The following CEP85L variants were observed in gnomAD, a reference collection of about 807,000 sequenced individuals.
CEP85L encodes centrosomal protein 85L, also known as centrosomal protein of 85 kDa-like.
A neutral mutation model predicts 100.3 loss-of-function variants in CEP85L; 60 were observed. The observed-to-expected ratio is 0.60, with a 90% CI of 0.49 to 0.74. CEP85L has a LOEUF of 0.74. Ranked by LOEUF, CEP85L falls within the 30% of genes least tolerant of loss-of-function variation. CEP85L has a pLI of 0.00. For missense variants in CEP85L, 973 were observed against 936.2 expected, an observed-to-expected ratio of 1.04 and a Z score of -0.51; for synonymous variants, 319 against 322.7, an observed-to-expected ratio of 0.99 and a Z score of 0.12.
chr6:118,526,755 TA>T (rs758127163), intron 3 of CEP85L, among the ~76,000 whole-genome samples: 16 of 152,198 alleles, frequency 1.1e-4, no homozygotes, highest in Non-Finnish European at 2.1e-4. Flanking sequence ...ATTAGAATAC[TA>T]AAGTAAACTC....
At chr6:118,637,912 AG>A (rs1260291948) in intron 1 of CEP85L, among the ~76,000 whole-genome samples, 1 of 152,148 alleles carries the variant, frequency 6.6e-6, no homozygotes, top group African/African-American at 2.4e-5. Flanking sequence ...TCTGAAAAAT[AG>A]TCCAAGCCCA....
At chr6:118,591,712 C>A (rs1464042022) in intron 2 of CEP85L, among the ~76,000 whole-genome samples, 4 of 152,202 alleles carry the variant, frequency 2.6e-5, no homozygotes, top group Non-Finnish European at 5.9e-5. Flanking sequence ...CACTCCCACC[C>A]TGTTGAGTGT....
rs142755909 is a variant in CEP85L, at chr6:118,554,388, C to T, written c.1020+11141G>A. On this transcript the variant is annotated intron_variant, in intron 3 of 12. Transcript: ENST00000368491. ...TCTCGAACTCCTGGGCTCAAACATT[C>T]GTCCCGCCTAGGCCTTCCAAAGTGT... 3.7e-3 allele frequency among the ~76,000 whole-genome samples: 568 copies of T among 152,250 alleles called. 3 individuals carry two copies. Among genetic ancestry groups the T allele is most frequent in the African/African-American group, 0.013 (540 of 41,538 alleles).
chr6:118,479,618 C>A (rs1201310078), intron 10 of CEP85L, among the ~76,000 whole-genome samples: 2 of 151,986 alleles, frequency 1.3e-5, no homozygotes, highest in Non-Finnish European at 2.9e-5. Context: ...GTTTTGTATT[C>A]TCTCCAACTC....
At chr6:118,554,372 C>T (rs75488708) in intron 3 of CEP85L, among the ~76,000 whole-genome samples, 1,813 of 152,246 alleles carry the variant, frequency 0.012, 14 homozygotes, top group Non-Finnish European at 0.017. Flanking sequence ...GTCTCGAACT[C>T]CTGGGCTCAA....
chr6:118,601,939 T>C (rs1486224901), intron 2 of CEP85L, among the ~76,000 whole-genome samples: 1 of 152,164 alleles, frequency 6.6e-6, no homozygotes, highest in Non-Finnish European at 1.5e-5. Flanking sequence ...TCTCATCCTG[T>C]GATGTAGAGT....
chr6:118,589,753 G>T, intron 2 of CEP85L: 1 of 215,932 alleles, frequency 4.6e-6, no homozygotes, highest in South Asian at 7.2e-5. Flanking sequence ...AGTGAAAGCA[G>T]GAGTTCACGA....
At chr6:118,706,009 A>T (rs186150548) in intron 1 of CEP85L, among the ~76,000 whole-genome samples, 1 of 152,072 alleles carries the variant, frequency 6.6e-6, no homozygotes, top group Non-Finnish European at 1.5e-5. Context: ...GCACTGTGCT[A>T]ATTGGGTAGA....
At chr6:118,574,401 T>C (rs1199055273) in intron 2 of CEP85L, among the ~76,000 whole-genome samples, 1 of 152,244 alleles carries the variant, frequency 6.6e-6, no homozygotes, top group Non-Finnish European at 1.5e-5. Flanking sequence ...CAATGTGCTC[T>C]TGCGATCGTT....
intron 3 of CEP85L, among the ~76,000 whole-genome samples, chr6:118,562,477 A>G (rs1779281448): frequency 6.6e-6 from 1 of 152,076 alleles, no homozygotes; most frequent in African/African-American, 2.4e-5. Context: ...GGATTCTCCA[A>G]CCTTGGTTCC....
In CEP85L at chr6:118,638,777, G is replaced by A. The variant is rs996348133; in HGVS notation, c.74-6166C>T. On this transcript the variant is annotated intron_variant, in intron 1 of 12. Transcript: ENST00000368491. ...TTTTAATAGAATACTGAGTGCCTGC[G>A]GATAACATTAAAAATTCTGAATATT... Among the ~76,000 whole-genome samples the A allele has an allele frequency of 8.6e-5, 13 of 151,250 alleles. No individual in the cohort carries two copies. In the East Asian group the frequency reaches 1.5e-3, roughly 18 times the overall value.
rs111240082 is a variant in CEP85L at position 118,593,895 on chromosome 6, T to C, written c.233-27579A>G. Among the ~76,000 whole-genome samples, 7 of 152,246 alleles carry C rather than the reference T, an allele frequency of 4.6e-5. 1 individual carries two copies. Among genetic ancestry groups the C allele is most frequent in the African/African-American group, 1.7e-4 (7 of 41,534 alleles). ...TTTACTTCCCAGCCTTTGACCAAGC[T>C]ACTCTCTCAGCCTAGACTACTCTCC... is the stretch of plus-strand genomic sequence containing the variant. On this transcript the variant is annotated intron_variant, in intron 2 of 12. Coordinates refer to ENST00000368491, the MANE Select transcript of CEP85L (RefSeq NM_001042475.3).
chr6:118,696,595 C>G (rs1333626620), intron 1 of CEP85L, among the ~76,000 whole-genome samples: 2 of 152,140 alleles, frequency 1.3e-5, no homozygotes, highest in African/African-American at 4.8e-5. Flanking sequence ...GTTGAGTGAG[C>G]CCCAGGATCA....
At position 118,537,528 on chromosome 6, in the gene CEP85L, T is replaced by C; in HGVS notation, c.1021-13608A>G. 20 of 985,298 alleles carry C rather than the reference T, an allele frequency of 2.0e-5. 1 individual carries two copies. Among genetic ancestry groups the C allele is most frequent in the Non-Finnish European group, 2.3e-5 (19 of 829,846 alleles). The allele number at this position is 985,298 out of a possible 1,614,324, so 61.0% of individuals were successfully genotyped here. A position where few individuals can be genotyped will look rare whatever the true frequency, so the allele number is the denominator to read the frequency against. On this transcript the variant is annotated intron_variant, in intron 3 of 12. Transcript: ENST00000368491. ...CCAGAAAATATACATAGGTACCTCT[T>C]CTTGGAAATGGCAGATTCCACTCTC...
At chr6:118,660,502 T>G (rs983509422) in intron 1 of CEP85L, among the ~76,000 whole-genome samples, 10 of 152,352 alleles carry the variant, frequency 6.6e-5, no homozygotes, top group African/African-American at 2.4e-4. Context: ...TAACCCATAC[T>G]CCTACTTACT....
chr6:118,635,431 C>G (rs963237268), intron 1 of CEP85L, among the ~76,000 whole-genome samples: 2 of 152,004 alleles, frequency 1.3e-5, no homozygotes, highest in Non-Finnish European at 2.9e-5. Flanking sequence ...AGCTCTATAT[C>G]TAAATGCTAA....
At chr6:118,685,961 T>C (rs1208213094) in intron 1 of CEP85L, among the ~76,000 whole-genome samples, 4 of 151,990 alleles carry the variant, frequency 2.6e-5, no homozygotes, top group Non-Finnish European at 4.4e-5. Flanking sequence ...ATAGGGGAAA[T>C]GGGGAATGCT....
chr6:118,686,475 G>T (rs1210729131), intron 1 of CEP85L, among the ~76,000 whole-genome samples: 1 of 152,108 alleles, frequency 6.6e-6, no homozygotes, highest in Non-Finnish European at 1.5e-5. Context: ...CATGCAATGT[G>T]TGGTCTTCTG....
At chr6:118,525,298 C>T (rs138192987) in intron 3 of CEP85L, among the ~76,000 whole-genome samples, 11 of 152,122 alleles carry the variant, frequency 7.2e-5, no homozygotes, top group African/African-American at 2.4e-4. Flanking sequence ...ATATTTCTTC[C>T]GTTGAAAAAG....
Sources: allele counts gnomAD v4.1 joint callset (sites outside exome capture counted in the v4.1 genomes callset), GRCh38; gene constraint gnomAD v4.1.1; transcripts MANE v1.5; gene names NCBI Gene and HGNC (gene_info 2026-07-23, HGNC 2026-07-21).